Variants in TMEM232 observed in about 807,000 individuals in gnomAD.
TMEM232 encodes transmembrane protein 232.
In TMEM232, 80 loss-of-function variants were observed where a neutral mutation model predicts 78.8. The observed-to-expected ratio is 1.01, with a 90% CI of 0.85 to 1.22. TMEM232 has a LOEUF of 1.22. Ranked by LOEUF, TMEM232 falls within the 50% of genes most tolerant of loss-of-function variation. The probability of loss-of-function intolerance (pLI) is 0.00; values close to 1 mark genes in which losing one functional copy is unlikely to be tolerated. For missense variants in TMEM232, 881 were observed against 742.2 expected (o/e 1.19, Z -2.17); for synonymous variants, 297 against 254.3 (o/e 1.17, Z -1.60).
chr5:110,508,527 A>G (rs920855247), intron 12 of TMEM232, among the ~76,000 whole-genome samples: 5 of 151,464 alleles, frequency 3.3e-5, no homozygotes, highest in African/African-American at 1.2e-4. Context: ...ACTTCTCCTG[A>G]CTAGTACCTT....
chr5:110,475,305 C>A (rs1184426349), intron 12 of TMEM232, among the ~76,000 whole-genome samples: 3 of 151,902 alleles, frequency 2.0e-5, no homozygotes, highest in Non-Finnish European at 4.4e-5. Flanking sequence ...AGGCTGGATG[C>A]ACTGGATATC....
chr5:110,415,360 T>C (rs1405911435), downstream of TMEM232, among the ~76,000 whole-genome samples: 1 of 151,904 alleles, frequency 6.6e-6, no homozygotes, highest in East Asian at 1.9e-4. Context: ...GCTAATTTTT[T>C]TGTATTTTTA....
chr5:110,595,337 GA>G (rs1267264594), intron 10 of TMEM232, among the ~76,000 whole-genome samples: 3 of 152,162 alleles, frequency 2.0e-5, no homozygotes, highest in African/African-American at 7.2e-5. Flanking sequence ...CAAAAATGCT[GA>G]AAATTCTAAA....
intron 12 of TMEM232, among the ~76,000 whole-genome samples, chr5:110,480,464 C>T (rs1343398624): frequency 6.6e-6 from 1 of 151,958 alleles, no homozygotes; most frequent in African/African-American, 2.4e-5. Flanking sequence ...AAGTTATTGA[C>T]CATACCTGAG....
intron 11 of TMEM232, among the ~76,000 whole-genome samples, chr5:110,529,327 C>G (rs1018560906): frequency 2.6e-5 from 4 of 151,912 alleles, no homozygotes; most frequent in African/African-American, 4.8e-5. Context: ...CTCACTGCAA[C>G]CTCCATCTCC....
chr5:110,646,734 C>T (rs1283909631), intron 2 of TMEM232, among the ~76,000 whole-genome samples: 6 of 151,790 alleles, frequency 4.0e-5, no homozygotes, highest in Non-Finnish European at 2.9e-5. Context: ...AAACAATCAA[C>T]AGAGTGAACA....
chr5:110,437,582 A>G (rs1012478990), intron 12 of TMEM232, among the ~76,000 whole-genome samples: 2 of 152,016 alleles, frequency 1.3e-5, no homozygotes, highest in Non-Finnish European at 2.9e-5. Context: ...TAGTTTTATT[A>G]TATTATTATC....
chr5:110,491,175 T>A (rs140287918), intron 12 of TMEM232, among the ~76,000 whole-genome samples: 5 of 152,128 alleles, frequency 3.3e-5, no homozygotes, highest in Admixed American at 2.6e-4. Context: ...TTTAAATAGA[T>A]TTTTTTAAAG....
At chr5:110,606,034 A>T (rs1781504283) in intron 9 of TMEM232, 130 bp downstream of exon 9, 2 of 817,952 alleles carry the variant, frequency 2.4e-6, no homozygotes, top group African/African-American at 3.6e-5. Flanking sequence ...TTGCTTTTAT[A>T]TTTAATTAAA....
intron 12 of TMEM232, among the ~76,000 whole-genome samples, chr5:110,475,293 T>C (rs959831333): frequency 6.6e-6 from 1 of 151,968 alleles, no homozygotes. Context: ...TGAAAGTAAC[T>C]GAGGCTGGAT....
chr5:110,560,152 A>T (rs1015989681), intron 11 of TMEM232, among the ~76,000 whole-genome samples: 1 of 152,222 alleles, frequency 6.6e-6, no homozygotes, highest in African/African-American at 2.4e-5. Context: ...ACAGTTGTGA[A>T]GCAACTAGAA....
At chr5:110,509,035 C>T (rs1438394919) in intron 12 of TMEM232, among the ~76,000 whole-genome samples, 1 of 143,358 alleles carries the variant, frequency 7.0e-6, no homozygotes, top group African/African-American at 2.6e-5. Context: ...TATATATACA[C>T]ACACATATAT....
chr5:110,730,069 G>A (rs571645775), upstream of TMEM232, among the ~76,000 whole-genome samples: 1 of 152,090 alleles, frequency 6.6e-6, no homozygotes, highest in Non-Finnish European at 1.5e-5. Context: ...AAAAAGTCAG[G>A]AAAGAGATGA....
At chr5:110,459,579 T>C (rs1394857130) in intron 12 of TMEM232, among the ~76,000 whole-genome samples, 1 of 152,098 alleles carries the variant, frequency 6.6e-6, no homozygotes, top group Non-Finnish European at 1.5e-5. Context: ...AGAAAAATAA[T>C]TTTGTAACCA....
At chr5:110,580,021 C>T (rs1387824621) in intron 10 of TMEM232, among the ~76,000 whole-genome samples, 1 of 151,374 alleles carries the variant, frequency 6.6e-6, no homozygotes, top group East Asian at 1.9e-4. Flanking sequence ...TATACTTATA[C>T]AGAAAAAAGA....
chr5:110,509,764 ATTC>A (rs1167198036), intron 12 of TMEM232, among the ~76,000 whole-genome samples: 1 of 152,152 alleles, frequency 6.6e-6, no homozygotes, highest in Non-Finnish European at 1.5e-5. Context: ...TGTCACCTAC[ATTC>A]AGTGAACACA....
At chr5:110,688,093 A>ATG (rs10528620) in intron 1 of TMEM232, among the ~76,000 whole-genome samples, 3,890 of 148,832 alleles carry the variant, frequency 0.026, 145 homozygotes, top group African/African-American at 0.086. Context: ...CTCTGAGGGG[A>ATG]TGTGTGTGTG....
chr5:110,473,324 TA>T (rs1762881249), intron 12 of TMEM232, among the ~76,000 whole-genome samples: 1 of 151,706 alleles, frequency 6.6e-6, no homozygotes, highest in African/African-American at 2.4e-5. Context: ...AAAAGTTACA[TA>T]AAAATACTCA....
At chr5:110,414,566 C>T (rs1464341602), downstream of TMEM232, among the ~76,000 whole-genome samples, 1 of 152,172 alleles carries the variant, frequency 6.6e-6, no homozygotes, top group Non-Finnish European at 1.5e-5. Flanking sequence ...CCATTCAGTT[C>T]TTCCTCATGA....
Sources: gnomAD v4.1 joint callset for allele counts (sites outside exome capture counted in the v4.1 genomes callset) on GRCh38, gnomAD v4.1.1 for gene constraint, MANE v1.5 for transcripts, NCBI Gene and HGNC (gene_info 2026-07-23, HGNC 2026-07-21) for gene names.